The following RAB21 variants were observed in gnomAD, a reference collection of about 807,000 sequenced individuals.
RAB21 encodes the protein ras-related protein Rab-21.
RAB21 carries 13 observed loss-of-function variants against 33.1 expected under a neutral mutation model. The ratio of observed to expected loss-of-function variants is 0.39; its 90% CI spans 0.26 to 0.62. The LOEUF (loss-of-function observed/expected upper bound fraction) is 0.62, where lower values mean the gene tolerates loss of function less well. Ranked by LOEUF, RAB21 falls within the 20% of genes least tolerant of loss-of-function variation. The pLI is 0.48. For synonymous variants in RAB21, 91 were observed against 103.7 expected (o/e 0.88, Z 0.74); for missense variants, 234 against 279.1 (o/e 0.84, Z 1.15).
At chr12:71,773,859 A>T in intron 3 of RAB21, 100 bp from the exon 4 acceptor site, 1 of 783,214 alleles carries the variant, frequency 1.3e-6, no homozygotes, top group Non-Finnish European at 2.1e-6. Flanking sequence ...ATAGACTCTT[A>T]AAATTCTGAG....
chr12:71,790,796 G>T lies in RAB21; in HGVS notation c.*5123G>T, dbSNP rs1258737779. On this transcript the variant is annotated 3_prime_UTR_variant, in exon 7 of 7. Coordinates refer to ENST00000261263, the MANE Select transcript of RAB21 (RefSeq NM_014999.4). ...CATTTGCCTTTTCTCTTGCCAACGT[G>T]TCTAGGAGCTCTTTGGTAAATACAG... 6.6e-6 allele frequency: 1 copy of T among 151,380 alleles called. No individual in the cohort carries two copies. The highest frequency in any genetic ancestry group is 2.4e-5 in the African/African-American group (1 of 41,296). 9.4% of individuals were successfully genotyped at this position (151,380 alleles called of 1,614,324 possible).
chr12:71,783,549 A>T (rs886265317), intron 6 of RAB21, among the ~76,000 whole-genome samples: 1 of 152,060 alleles, frequency 6.6e-6, no homozygotes, highest in East Asian at 1.9e-4. Context: ...TATGTAAGTG[A>T]TGTCCCCTGA....
chr12:71,791,600 C>A lies in RAB21; in HGVS notation c.*5927C>A, dbSNP rs748811176. 1 of 152,160 alleles carries A rather than the reference C, an allele frequency of 6.6e-6. No homozygotes were observed. The highest frequency in any genetic ancestry group is 1.9e-4 in the East Asian group (1 of 5,194). The allele number at this position is 152,160 out of a possible 1,614,324, so 9.4% of individuals were successfully genotyped here. On this transcript the variant is annotated 3_prime_UTR_variant, in exon 7 of 7. Transcript: ENST00000261263. ...ACTCCCATAACAGGACATGATGCTA[C>A]CAAAAATTCAAACTTGTATTTGATC...
At chr12:71,757,814 A>G (rs565616940) in intron 1 of RAB21, among the ~76,000 whole-genome samples, 2 of 152,312 alleles carry the variant, frequency 1.3e-5, no homozygotes, top group Non-Finnish European at 2.9e-5. Flanking sequence ...TATGTAAACT[A>G]CTTTGTATTT....
rs1285022349 is a variant in RAB21 at position 71,786,016 on chromosome 12, C to T, written c.*343C>T. Reference sequence around the variant, plus strand: ...TCCCAGGTTCACGCCATTCTCCTGCCTCAGCCTCCCGAGTAGCTGGGACTA... The same window carrying T: ...TCCCAGGTTCACGCCATTCTCCTGCTTCAGCCTCCCGAGTAGCTGGGACTA... On this transcript the variant is annotated 3_prime_UTR_variant, in exon 7 of 7. Transcript: ENST00000261263. 2.4e-5 allele frequency: 4 copies of T among 169,634 alleles called. No individual in the cohort carries two copies. Among genetic ancestry groups the T allele is most frequent in the African/African-American group, 9.6e-5 (4 of 41,600 alleles). 10.5% of individuals were successfully genotyped at this position (169,634 alleles called of 1,614,324 possible). A position where few individuals can be genotyped will look rare whatever the true frequency, so the allele number is the denominator to read the frequency against.
In RAB21 at chr12:71,790,017, G is replaced by A. The variant is rs1006792576; in HGVS notation, c.*4344G>A. 1 of 152,130 alleles carries A rather than the reference G, an allele frequency of 6.6e-6. No homozygotes were observed. Among genetic ancestry groups the A allele is most frequent in the African/African-American group, 2.4e-5 (1 of 41,424 alleles). 9.4% of individuals were successfully genotyped at this position (152,130 alleles called of 1,614,324 possible). On this transcript the variant is annotated 3_prime_UTR_variant, in exon 7 of 7. Transcript: ENST00000261263. ...CCACTTAATTGATAGACCTTTAGCAGTTCTTGTGCTATCTAGGATTTATAC... is the reference window on the plus strand; with the variant it reads ...CCACTTAATTGATAGACCTTTAGCAATTCTTGTGCTATCTAGGATTTATAC...
At chr12:71,755,425 C>T (rs1282115564) in intron 1 of RAB21, 137 bp downstream of exon 1, 1 of 1,079,388 alleles carries the variant, frequency 9.3e-7, no homozygotes, top group Non-Finnish European at 1.2e-6. Flanking sequence ...GTTTACCTTT[C>T]CGAATTCGCC....
Position 71,776,124 on chromosome 12 carries a change from A to T in RAB21, c.391+2102A>T, listed in dbSNP as rs576483736. On this transcript the variant is annotated intron_variant, in intron 4 of 6. Transcript: ENST00000261263. ...CTAGGAGTGGAAGTGGCCACAGTAGATGAATGACTGAAGATTTAATATTTT... is the reference window on the plus strand; with the variant it reads ...CTAGGAGTGGAAGTGGCCACAGTAGTTGAATGACTGAAGATTTAATATTTT... Among the ~76,000 whole-genome samples, 45 of 152,308 alleles carry T rather than the reference A, an allele frequency of 3.0e-4. No individual in the cohort carries two copies. The South Asian group carries it at 6.0e-3, about 20-fold the overall frequency.
At chr12:71,781,400 C>T (rs1038126304) in intron 4 of RAB21, among the ~76,000 whole-genome samples, 4 of 150,594 alleles carry the variant, frequency 2.7e-5, no homozygotes, top group African/African-American at 9.8e-5. Context: ...ACCCGGGAGG[C>T]GGAGCTTGCA....
At chr12:71,779,479 T>C (rs988070979) in intron 4 of RAB21, among the ~76,000 whole-genome samples, 4 of 151,776 alleles carry the variant, frequency 2.6e-5, no homozygotes, top group African/African-American at 9.7e-5. Context: ...AAAAAAAAAA[T>C]TACAGTTATG....
rs1430595565 is a variant in RAB21, at chr12:71,755,102, C to T, written c.-28C>T. On this transcript the variant is annotated 5_prime_UTR_variant, in exon 1 of 7. Transcript: ENST00000261263. ...GCTGTCGGGAGGGCGGCGCGACACT[C>T]GGGCTCGGGCGGCCGGGAAGCGACG... The T allele has an allele frequency of 5.4e-6, 6 of 1,115,234 alleles. No individual in the cohort carries two copies. Among genetic ancestry groups the T allele is most frequent in the African/African-American group, 1.7e-5 (1 of 60,134 alleles). The allele number at this position is 1,115,234 out of a possible 1,614,324, so 69.1% of individuals were successfully genotyped here. A position where few individuals can be genotyped will look rare whatever the true frequency, so the allele number is the denominator to read the frequency against.
intron 1 of RAB21, among the ~76,000 whole-genome samples, chr12:71,760,745 A>G (rs1882860587): frequency 6.6e-6 from 1 of 151,204 alleles, no homozygotes. Flanking sequence ...GAAGGTGCTT[A>G]TTGAAGATTA....
At chr12:71,778,260 T>G (rs1883149656) in intron 4 of RAB21, among the ~76,000 whole-genome samples, 1 of 152,216 alleles carries the variant, frequency 6.6e-6, no homozygotes, top group East Asian at 1.9e-4. Flanking sequence ...TAGGCACCCT[T>G]GGCTGTGGTT....
At chr12:71,785,393 C>T (rs11178943) in intron 6 of RAB21, 138 bp from the exon 7 acceptor site, 2 of 971,686 alleles carry the variant, frequency 2.1e-6, no homozygotes, top group African/African-American at 1.7e-5. Context: ...TTTTAGTGAG[C>T]TGACCCAATG....
chr12:71,785,111 A>G (rs1251203356), intron 6 of RAB21, among the ~76,000 whole-genome samples: 1 of 152,190 alleles, frequency 6.6e-6, no homozygotes, highest in Non-Finnish European at 1.5e-5. Flanking sequence ...AACTAAAATA[A>G]AAAGAATCAT....
intron 4 of RAB21, among the ~76,000 whole-genome samples, chr12:71,780,520 A>G (rs1207796076): frequency 1.3e-5 from 2 of 152,340 alleles, no homozygotes; most frequent in East Asian, 1.9e-4. Context: ...TAATGTAGGA[A>G]GTTAGAACTA....
intron 1 of RAB21, among the ~76,000 whole-genome samples, chr12:71,769,150 C>T (rs1212156657): frequency 6.6e-6 from 1 of 152,218 alleles, no homozygotes; most frequent in Non-Finnish European, 1.5e-5. Context: ...ATTACCTTCT[C>T]TCTGAAGCCT....
At chr12:71,781,228 G>A (rs1277520982) in intron 4 of RAB21, among the ~76,000 whole-genome samples, 4 of 152,088 alleles carry the variant, frequency 2.6e-5, no homozygotes, top group Admixed American at 2.6e-4. Flanking sequence ...CTAGCACTTT[G>A]GGAGGCCGAG....
chr12:71,777,779 G>A (rs1023681040), intron 4 of RAB21, among the ~76,000 whole-genome samples: 2 of 151,738 alleles, frequency 1.3e-5, no homozygotes, highest in African/African-American at 4.8e-5. Flanking sequence ...TTCTCTCCTA[G>A]GTTTATTTTA....
Sources: allele counts gnomAD v4.1 joint callset (sites outside exome capture counted in the v4.1 genomes callset), GRCh38; gene constraint gnomAD v4.1.1; transcripts MANE v1.5; gene names NCBI Gene and HGNC (gene_info 2026-07-23, HGNC 2026-07-21).